IGF2R: variants seen among roughly 807,000 people sequenced by gnomAD.
The protein encoded by IGF2R is insulin like growth factor 2 receptor, also known as cation-independent mannose-6-phosphate receptor.
A neutral mutation model predicts 270.6 loss-of-function variants in IGF2R; 91 were observed. That is an observed-to-expected ratio of 0.34 (90% CI 0.28 to 0.40). The LOEUF (loss-of-function observed/expected upper bound fraction) is 0.40, where lower values mean the gene tolerates loss of function less well. Among genes scored for constraint, IGF2R ranks in the 10% least tolerant of loss-of-function variants. The pLI is 1.00. For synonymous variants in IGF2R, 1,316 were observed against 1,258.9 expected (o/e 1.05, Z -0.96); for missense variants, 2,805 against 3,188.3 (o/e 0.88, Z 2.90).
chr6:159,991,121 T>G, intron 1 of IGF2R, 63 bp from the exon 2 acceptor site: 1 of 1,492,706 alleles, frequency 6.7e-7, no homozygotes, highest in Non-Finnish European at 9.2e-7. Context: ...TGAATAAAAC[T>G]AGAGAGAAGT....
At chr6:160,075,364 C>T (rs1288141286) in intron 35 of IGF2R, among the ~76,000 whole-genome samples, 1 of 152,206 alleles carries the variant, frequency 6.6e-6, no homozygotes, top group Non-Finnish European at 1.5e-5. Flanking sequence ...AGGACATAGC[C>T]AGTGGTTACT....
chr6:159,977,239 G>A (rs1399487021), intron 1 of IGF2R, among the ~76,000 whole-genome samples: 1 of 152,174 alleles, frequency 6.6e-6, no homozygotes, highest in Non-Finnish European at 1.5e-5. Context: ...TCTTTGGTTT[G>A]AGTTTGTCAC....
intron 35 of IGF2R, among the ~76,000 whole-genome samples, chr6:160,075,384 C>T (rs539221817): frequency 7.9e-5 from 12 of 152,318 alleles, no homozygotes; most frequent in Non-Finnish European, 1.3e-4. Flanking sequence ...TGCTGGGCCA[C>T]GTCAGTGGGC....
At chr6:160,043,422 T>C in intron 12 of IGF2R, 134 bp downstream of exon 12, 2 of 1,064,666 alleles carry the variant, frequency 1.9e-6, no homozygotes, top group South Asian at 3.5e-5. Context: ...TAAAAATTTT[T>C]CATTCATAAC....
chr6:160,000,157 G>A (rs978005721), intron 2 of IGF2R, among the ~76,000 whole-genome samples: 1 of 152,144 alleles, frequency 6.6e-6, no homozygotes, highest in African/African-American at 2.4e-5. Flanking sequence ...TAAGCCAGGT[G>A]GATTAGTCCT....
At chr6:159,972,123 T>C (rs974204903) in intron 1 of IGF2R, among the ~76,000 whole-genome samples, 2 of 152,200 alleles carry the variant, frequency 1.3e-5, no homozygotes, top group African/African-American at 4.8e-5. Context: ...ATTTTTTTTT[T>C]AATTTGATAC....
chr6:160,101,965 G>A (rs8191938), intron 45 of IGF2R, among the ~76,000 whole-genome samples: 201 of 152,300 alleles, frequency 1.3e-3, no homozygotes, highest in African/African-American at 4.6e-3. Flanking sequence ...GAGGAGACCC[G>A]TCGGGGGCTG....
At chr6:159,979,672 C>G (rs761389) in intron 1 of IGF2R, among the ~76,000 whole-genome samples, 27,102 of 151,962 alleles carry the variant, frequency 0.18, 2,895 homozygotes, top group East Asian at 0.46. Flanking sequence ...GAACCAGGCA[C>G]CCTGGTGGGG....
intron 12 of IGF2R, among the ~76,000 whole-genome samples, chr6:160,044,127 A>G (rs989328484): frequency 2.6e-5 from 4 of 152,212 alleles, no homozygotes; most frequent in African/African-American, 9.6e-5. Context: ...TGTGCTTTCA[A>G]AAGACTTTGT....
intron 10 of IGF2R, among the ~76,000 whole-genome samples, chr6:160,039,358 T>G (rs1777892514): frequency 6.6e-6 from 1 of 152,174 alleles, no homozygotes; most frequent in African/African-American, 2.4e-5. Flanking sequence ...GGCTACCGTT[T>G]TATATGCAGT....
chr6:160,081,146 T>A (rs1038409980), intron 39 of IGF2R, among the ~76,000 whole-genome samples: 11 of 150,192 alleles, frequency 7.3e-5, no homozygotes, highest in Non-Finnish European at 1.5e-4. Context: ...AAAAGAAAAA[T>A]TACTAATTTT....
intron 6 of IGF2R, 65 bp downstream of exon 6, chr6:160,027,379 G>A: frequency 6.6e-7 from 1 of 1,513,876 alleles, no homozygotes; most frequent in South Asian, 1.3e-5. Context: ...CTTTCAGGGA[G>A]CTGCAGGAAC....
chr6:159,980,208 A>AAAGGAAGAAAGGAAGAAAGG lies in IGF2R; in HGVS notation c.149+10816_149+10817insGAAGAAAGGAAGAAAGGAAG, dbSNP rs1562330505. 2.1e-4 allele frequency among the ~76,000 whole-genome samples: 19 copies of AAAGGAAGAAAGGAAGAAAGG among 90,560 alleles called. 1 individual carries two copies. Among genetic ancestry groups the AAAGGAAGAAAGGAAGAAAGG allele is most frequent in the African/African-American group, 6.4e-4 (14 of 21,870 alleles). The allele number at this position is 90,560 out of a possible 152,430, so 59.4% of individuals were successfully genotyped here. On this transcript the variant is annotated intron_variant, in intron 1 of 47. Coordinates refer to ENST00000356956, the MANE Select transcript of IGF2R (RefSeq NM_000876.4). ...AAAAGAAAGAAAGAAAGAAAGAAAG[A>AAAGGAAGAAAGGAAGAAAGG]AAGAAAGAAAGAAAGAAAGAAAGAA... is the stretch of plus-strand genomic sequence containing the variant.
At chr6:160,056,177 C>T (rs1778312613) in intron 19 of IGF2R, among the ~76,000 whole-genome samples, 1 of 152,166 alleles carries the variant, frequency 6.6e-6, no homozygotes, top group South Asian at 2.1e-4. Context: ...TGAATTCTAC[C>T]ATTTACTGCT....
chr6:160,007,577 T>C (rs1784263940), intron 2 of IGF2R: 2 of 152,244 alleles, frequency 1.3e-5, no homozygotes, highest in Non-Finnish European at 2.9e-5. Flanking sequence ...TTAGAATTTT[T>C]TCTTTTCATT....
At chr6:160,006,867 T>A (rs912196163) in intron 2 of IGF2R, 2 of 151,910 alleles carry the variant, frequency 1.3e-5, no homozygotes, top group African/African-American at 2.4e-5. Context: ...TACTCTTTCC[T>A]CTTTCACTTT....
At chr6:160,048,576 C>T (rs775809129) in intron 18 of IGF2R, 33 bp downstream of exon 18, 2 of 1,602,162 alleles carry the variant, frequency 1.2e-6, no homozygotes, top group Admixed American at 3.4e-5. Context: ...TCTCCTTTGC[C>T]CTCCTAATTC....
chr6:159,987,201 C>T (rs1220704014), intron 1 of IGF2R, among the ~76,000 whole-genome samples: 1 of 151,998 alleles, frequency 6.6e-6, no homozygotes, highest in African/African-American at 2.4e-5. Context: ...GTTATTTATA[C>T]GATTTTCAAG....
intron 45 of IGF2R, among the ~76,000 whole-genome samples, chr6:160,099,560 G>A (rs868447816): frequency 6.6e-6 from 1 of 152,100 alleles, no homozygotes; most frequent in Non-Finnish European, 1.5e-5. Flanking sequence ...GTAGAGACGG[G>A]GTTTCACCGT....
Sources: allele counts gnomAD v4.1 joint callset (sites outside exome capture counted in the v4.1 genomes callset), GRCh38; gene constraint gnomAD v4.1.1; transcripts MANE v1.5; gene names NCBI Gene and HGNC (gene_info 2026-07-23, HGNC 2026-07-21).